Variants in FASTKD1 observed in about 807,000 individuals in gnomAD.
FASTKD1 encodes the protein FAST kinase domain-containing protein 1, mitochondrial.
A neutral mutation model predicts 90.9 loss-of-function variants in FASTKD1; 94 were observed. The ratio of observed to expected loss-of-function variants is 1.03; its 90% CI spans 0.88 to 1.23. FASTKD1 has a LOEUF of 1.23. FASTKD1 is among the 50% of genes most tolerant of loss of function. The probability of loss-of-function intolerance (pLI) is 0.00; values close to 1 mark genes in which losing one functional copy is unlikely to be tolerated. For missense variants in FASTKD1, 945 were observed against 993.5 expected, an observed-to-expected ratio of 0.95 and a Z score of 0.66; for synonymous variants, 319 against 345.8, an observed-to-expected ratio of 0.92 and a Z score of 0.86.
In FASTKD1 at chr2:169,572,788, T is replaced by G. The variant is rs1368296385; in HGVS notation, c.-142-617A>C. On this transcript the variant is annotated intron_variant, in intron 1 of 14. Transcript: ENST00000453153. Reference sequence around the variant, plus strand: ...CTAAGAAATTAAGTAATGTTTCAAGTCATGCTGAAACAATAAAAGAACTAA... The same window carrying G: ...CTAAGAAATTAAGTAATGTTTCAAGGCATGCTGAAACAATAAAAGAACTAA... 2.6e-5 allele frequency among the ~76,000 whole-genome samples: 4 copies of G among 152,168 alleles called. No individual in the cohort carries two copies. The South Asian group carries it at 8.3e-4, about 32-fold the overall frequency.
intron 11 of FASTKD1, 94 bp downstream of exon 11, chr2:169,537,919 G>A (rs1043483533): frequency 1.7e-5 from 18 of 1,051,784 alleles, no homozygotes; most frequent in Admixed American, 1.3e-4. Flanking sequence ...GGGAAGGCTC[G>A]TGTCATGTTT....
intron 7 of FASTKD1, among the ~76,000 whole-genome samples, chr2:169,549,264 G>A (rs914868165): frequency 8.6e-5 from 13 of 151,642 alleles, no homozygotes; most frequent in African/African-American, 3.1e-4. Flanking sequence ...AGGTGGGGTG[G>A]CGCATGTAAT....
chr2:169,566,158 T>C (rs945160381), intron 3 of FASTKD1, among the ~76,000 whole-genome samples: 1 of 152,204 alleles, frequency 6.6e-6, no homozygotes, highest in African/African-American at 2.4e-5. Context: ...TTGTATCCTT[T>C]GCTGTGCCAC....
In FASTKD1 at chr2:169,531,842, A is replaced by C. The variant is rs912519095; in HGVS notation, c.2189-352T>G. 3.9e-5 allele frequency among the ~76,000 whole-genome samples: 6 copies of C among 152,348 alleles called. No homozygotes were observed. The South Asian group carries it at 6.2e-4, about 16-fold the overall frequency. On this transcript the variant is annotated intron_variant, in intron 12 of 14. Coordinates refer to ENST00000453153, the MANE Select transcript of FASTKD1 (RefSeq NM_024622.6). ...CCAACTCATCTGAAAATTAATAAAGAAAAAGATACAAGCATTTATCCTGTC... is the reference window on the plus strand; with the variant it reads ...CCAACTCATCTGAAAATTAATAAAGCAAAAGATACAAGCATTTATCCTGTC...
chr2:169,537,864 C>T, intron 11 of FASTKD1, 149 bp downstream of exon 11: 2 of 588,610 alleles, frequency 3.4e-6, no homozygotes, highest in Admixed American at 3.6e-5. Flanking sequence ...TAATGTTTCA[C>T]CTACAATATC....
intron 7 of FASTKD1, among the ~76,000 whole-genome samples, chr2:169,548,771 G>GT (rs1685344058): frequency 7.1e-6 from 1 of 141,658 alleles, no homozygotes; most frequent in Non-Finnish European, 1.5e-5. Flanking sequence ...AGGTATAGAA[G>GT]TAGTGGAAGG....
Position 169,530,690 on chromosome 2 carries a change from T to G in FASTKD1, c.2339A>C (p.Glu780Ala). 1 of 1,561,254 alleles carries G rather than the reference T, an allele frequency of 6.4e-7. No individual in the cohort carries two copies. ...ACAAAGTGCTTTTGAATCCAAAAAT[T>G]CCAAAGCAATCCTACATAAAATAAA... is the stretch of plus-strand genomic sequence containing the variant. ...LPPGAERIAL[E>A]FLDSKALCRN... is the part of the protein sequence containing the mutation. The change falls in exon 14 of 15, where the codon GAA (glutamate) becomes GCA (alanine). Residue 780 changes from glutamate to alanine, a missense_variant. Transcript: ENST00000453153.
intron 12 of FASTKD1, among the ~76,000 whole-genome samples, chr2:169,536,258 G>A (rs1026043982): frequency 2.6e-5 from 4 of 152,138 alleles, no homozygotes; most frequent in African/African-American, 9.7e-5. Flanking sequence ...ACAAGGTTCA[G>A]AAGAACTTGC....
chr2:169,534,347 C>G (rs562934157), intron 12 of FASTKD1, among the ~76,000 whole-genome samples: 2 of 152,000 alleles, frequency 1.3e-5, no homozygotes, highest in East Asian at 3.9e-4. Flanking sequence ...ATTCAAAGTA[C>G]CATCTTGGAA....
chr2:169,531,483 C>T lies in FASTKD1; in HGVS notation c.2196G>A (p.Glu732=). 1 of 1,602,100 alleles carries T rather than the reference C, an allele frequency of 6.2e-7. No homozygotes were observed. The highest frequency in any genetic ancestry group is 8.5e-7 in the Non-Finnish European group (1 of 1,176,520). The change falls in exon 13 of 15, where the codon GAG becomes GAA. Residue 732 remains glutamate, a synonymous_variant. Transcript: ENST00000453153. ...GTTTTTTTCTTTTATCCAAGATACA[C>T]TCAAAATCTTAAGGAAGCATAGAAA... The part of the protein sequence containing the change: ...LTPYYHKVDF[E]CILDKRKKPL...
In FASTKD1 at chr2:169,538,123, C is replaced by T. The variant is rs1305428467; in HGVS notation, c.1964G>A (p.Ser655Asn). ...SQLEILSPSR[S>N]ARVQFHLMEL... Reference sequence around the variant, plus strand: ...CATAAGATGAAACTGGACTCTTGCACTTCGAGATGGAGATAAAACTGAAAT... The same window carrying T: ...CATAAGATGAAACTGGACTCTTGCATTTCGAGATGGAGATAAAACTGAAAT... The change falls in exon 11 of 15, where the codon AGT becomes AAT. Residue 655 changes from serine to asparagine, a missense_variant. Physicochemically the swap from Ser to Asn is conservative, Grantham distance 46 (BLOSUM62 1). Coordinates refer to ENST00000453153, the MANE Select transcript of FASTKD1 (RefSeq NM_024622.6). 3.1e-6 allele frequency: 5 copies of T among 1,604,070 alleles called. No individual in the cohort carries two copies. The highest frequency in any genetic ancestry group is 4.2e-6 in the Non-Finnish European group (5 of 1,177,062).
chr2:169,529,180 A>T lies in FASTKD1; in HGVS notation c.*645T>A, dbSNP rs1403078076. Among the ~76,000 whole-genome samples the T allele has an allele frequency of 6.6e-6, 1 of 152,058 alleles. No individual in the cohort carries two copies. Among genetic ancestry groups the T allele is most frequent in the Non-Finnish European group, 1.5e-5 (1 of 68,016 alleles). On this transcript the variant is annotated 3_prime_UTR_variant, in exon 15 of 15. Coordinates refer to ENST00000453153, the MANE Select transcript of FASTKD1 (RefSeq NM_024622.6). ...TCAACATATCTAAAACAAACTTGTG[A>T]TCAACCCCCACCACCTGCCCCCCAT...
intron 12 of FASTKD1, 59 bp downstream of exon 12, chr2:169,537,168 A>C (rs1373615221): frequency 5.9e-6 from 6 of 1,011,502 alleles, no homozygotes; most frequent in Non-Finnish European, 9.3e-6. Context: ...TGATAAGATG[A>C]TTCTATTCAA....
chr2:169,572,517 A>T (rs1311064131), intron 1 of FASTKD1, among the ~76,000 whole-genome samples: 1 of 151,490 alleles, frequency 6.6e-6, no homozygotes, highest in Admixed American at 6.6e-5. Flanking sequence ...GCATTAATTC[A>T]GAGCCATATA....
chr2:169,561,952 T>TATTAATTTATTGTAAATTAATTATTC lies in FASTKD1; in HGVS notation c.573-1193_573-1168dup, dbSNP rs1306691049. On this transcript the variant is annotated intron_variant, in intron 4 of 14. Transcript: ENST00000453153. ...ATTTGTTAATTTATTATAAATTAAT[T>TATTAATTTATTGTAAATTAATTATTC]ATTAATTTATTGTAAATTAATTATT... 8.0e-3 allele frequency among the ~76,000 whole-genome samples: 965 copies of TATTAATTTATTGTAAATTAATTATTC among 120,996 alleles called. 55 individuals carry two copies. Among genetic ancestry groups the TATTAATTTATTGTAAATTAATTATTC allele is most frequent in the African/African-American group, 0.026 (844 of 32,450 alleles). 79.4% of individuals were successfully genotyped at this position (120,996 alleles called of 152,430 possible).
intron 12 of FASTKD1, among the ~76,000 whole-genome samples, chr2:169,534,607 G>A (rs1019864465): frequency 3.3e-5 from 5 of 151,884 alleles, no homozygotes; most frequent in African/African-American, 1.2e-4. Flanking sequence ...TTACAGGCGT[G>A]CGCCACCACG....
intron 14 of FASTKD1, 40 bp from the exon 15 acceptor site, chr2:169,529,966 C>A (rs1409837802): frequency 2.8e-6 from 4 of 1,415,760 alleles, no homozygotes; most frequent in Admixed American, 3.7e-5. Flanking sequence ...AGTTTTAAAG[C>A]AACAACAAAA....
chr2:169,558,463 T>C (rs1334554985), intron 5 of FASTKD1, among the ~76,000 whole-genome samples: 1 of 151,546 alleles, frequency 6.6e-6, no homozygotes, highest in African/African-American at 2.4e-5. Flanking sequence ...TTTGTTTGTT[T>C]TTTGAGACAG....
chr2:169,567,602 G>A (rs1481944202), intron 3 of FASTKD1, among the ~76,000 whole-genome samples: 1 of 152,168 alleles, frequency 6.6e-6, no homozygotes, highest in East Asian at 1.9e-4. Context: ...GGCCTACAGA[G>A]TTTACCAATA....
Sources: allele counts gnomAD v4.1 joint callset (sites outside exome capture counted in the v4.1 genomes callset), GRCh38; gene constraint gnomAD v4.1.1; transcripts MANE v1.5; gene names NCBI Gene and HGNC (gene_info 2026-07-23, HGNC 2026-07-21).